RNF125: variants seen among roughly 807,000 people sequenced by gnomAD.
RNF125 encodes ring finger protein 125.
RNF125 carries 21 observed loss-of-function variants against 26.0 expected under a neutral mutation model. The ratio of observed to expected loss-of-function variants is 0.81; its 90% confidence interval spans 0.57 to 1.16. The LOEUF (loss-of-function observed/expected upper bound fraction) is 1.16. Among genes scored for constraint, RNF125 ranks in the 50% most tolerant of loss-of-function variants. The pLI, the probability that RNF125 is intolerant of heterozygous loss-of-function variation, is 0.00. For missense variants in RNF125, 270 were observed against 299.4 expected, an observed-to-expected ratio of 0.90 and a Z score of 0.72; for synonymous variants, 95 against 109.2, an observed-to-expected ratio of 0.87 and a Z score of 0.81.
At chr18:32,075,205 G>A (rs1478581080), downstream of RNF125, among the ~76,000 whole-genome samples, 3 of 152,108 alleles carry the variant, frequency 2.0e-5, no homozygotes, top group Admixed American at 6.5e-5. Flanking sequence ...ATCCATCAGC[G>A]TCTCTTGCCT....
chr18:32,070,699 T>G lies in RNF125; in HGVS notation c.*2315T>G, dbSNP rs1355999608. On this transcript the variant is annotated 3_prime_UTR_variant, in exon 6 of 6. Coordinates refer to ENST00000217740, the MANE Select transcript of RNF125 (RefSeq NM_017831.4). ...GTTTTCATTTGCTTTTCTCATTCTT[T>G]CCCAATTTTTTTTTTTTTTTGAGAT... 6.8e-6 allele frequency: 1 copy of G among 147,854 alleles called. No homozygotes were observed. The highest frequency in any genetic ancestry group is 2.2e-4 in the South Asian group (1 of 4,552). 9.2% of individuals were successfully genotyped at this position (147,854 alleles called of 1,614,324 possible).
intron 1 of RNF125, chr18:32,030,962 G>C (rs980426587): frequency 6.6e-6 from 1 of 152,108 alleles, no homozygotes; most frequent in Non-Finnish European, 1.5e-5. Context: ...TCAGAGAGTT[G>C]GCTTTTATAG....
At chr18:32,065,801 GAT>G in intron 4 of RNF125, 99 bp from the exon 5 acceptor site, 1 of 784,716 alleles carries the variant, frequency 1.3e-6, no homozygotes, top group South Asian at 1.6e-5. Flanking sequence ...AAAGTACTGG[GAT>G]TACAGGCGTA....
At chr18:32,043,774 GAT>G (rs2039241937) in intron 3 of RNF125, among the ~76,000 whole-genome samples, 1 of 152,050 alleles carries the variant, frequency 6.6e-6, no homozygotes, top group Non-Finnish European at 1.5e-5. Context: ...TATTTTACAA[GAT>G]ATATTAATAT....
the RNF125 span, among the ~76,000 whole-genome samples, chr18:32,090,021 G>A: frequency 0.016 from 2,399 of 152,314 alleles, 65 homozygotes; most frequent in African/African-American, 0.05. Flanking sequence ...CAAGGTGGGC[G>A]GATCGCTGGA....
At chr18:32,028,246 C>T (rs555272254) in intron 1 of RNF125, among the ~76,000 whole-genome samples, 77 of 141,952 alleles carry the variant, frequency 5.4e-4, no homozygotes, top group African/African-American at 1.9e-3. Flanking sequence ...TGCAGTGAGC[C>T]GAGATTGCAC....
downstream of RNF125, among the ~76,000 whole-genome samples, chr18:32,077,334 A>ATTTTTTTTTT (rs552701343): frequency 9.3e-6 from 1 of 107,878 alleles, no homozygotes; most frequent in Non-Finnish European, 1.8e-5. Flanking sequence ...CCCTCTCCCC[A>ATTTTTTTTTT]TTTTTTTTTT....
intron 2 of RNF125, among the ~76,000 whole-genome samples, chr18:32,039,679 C>T (rs892752568): frequency 6.6e-6 from 1 of 151,918 alleles, no homozygotes; most frequent in African/African-American, 2.4e-5. Flanking sequence ...CTGTCAGAAA[C>T]AAGAGGATTC....
intron 4 of RNF125, among the ~76,000 whole-genome samples, chr18:32,047,312 C>T (rs1033966560): frequency 6.6e-5 from 10 of 152,316 alleles, no homozygotes; most frequent in African/African-American, 2.4e-4. Flanking sequence ...GCTGGGATTA[C>T]AGGTGTGAGC....
At chr18:32,058,875 G>C (rs1202205412) in intron 4 of RNF125, among the ~76,000 whole-genome samples, 2 of 152,126 alleles carry the variant, frequency 1.3e-5, no homozygotes, top group Non-Finnish European at 2.9e-5. Flanking sequence ...GAGGACATGT[G>C]AAGTTTGTCT....
At chr18:32,047,197 C>T (rs757202919) in intron 4 of RNF125, among the ~76,000 whole-genome samples, 4 of 152,132 alleles carry the variant, frequency 2.6e-5, no homozygotes, top group Admixed American at 2.0e-4. Context: ...CCACCATGCC[C>T]GGCTAATTTT....
Position 32,018,955 on chromosome 18 carries a change from C to T in RNF125, c.92C>T (p.Pro31Leu), listed in dbSNP as rs751589349. The change falls in exon 1 of 6, where the codon CCC becomes CTC. Residue 31 changes from proline (P) to leucine (L), a missense_variant. Transcript: ENST00000217740. ...ALERRRDPEL[P>L]VTSFDCAVCL... ...GAGCGCAGGAGGGACCCGGAGTTGC[C>T]CGTCACGTCCTTCGACTGCGCCGTG... is the stretch of plus-strand genomic sequence containing the variant. 244 of 1,613,672 alleles carry T rather than the reference C, an allele frequency of 1.5e-4. No homozygotes were observed. Among genetic ancestry groups the T allele is most frequent in the Non-Finnish European group, 1.9e-4 (227 of 1,179,888 alleles).
intron 2 of RNF125, among the ~76,000 whole-genome samples, chr18:32,038,445 C>T (rs2039183414): frequency 6.6e-6 from 1 of 152,220 alleles, no homozygotes; most frequent in Non-Finnish European, 1.5e-5. Flanking sequence ...TGACCACCTC[C>T]ATTTTCCCTT....
intron 1 of RNF125, among the ~76,000 whole-genome samples, chr18:32,025,131 C>T (rs4799626): frequency 0.72 from 109,245 of 152,094 alleles, 39,349 homozygotes; most frequent in African/African-American, 0.75. Flanking sequence ...ATATGAACTT[C>T]GAAAAACATT....
chr18:32,090,514 T>G, the RNF125 span, among the ~76,000 whole-genome samples: 1 of 152,196 alleles, frequency 6.6e-6, no homozygotes, highest in African/African-American at 2.4e-5. Context: ...GGACAAATTA[T>G]TATTATTCTA....
Position 32,023,933 on chromosome 18 carries a change from C to T in RNF125, c.164+4906C>T, listed in dbSNP as rs537160024. Among the ~76,000 whole-genome samples, 5 of 152,230 alleles carry T rather than the reference C, an allele frequency of 3.3e-5. No individual in the cohort carries two copies. In the East Asian group the frequency reaches 9.6e-4, roughly 29 times the overall value. On this transcript the variant is annotated intron_variant, in intron 1 of 5. Coordinates refer to ENST00000217740, the MANE Select transcript of RNF125 (RefSeq NM_017831.4). Reference sequence around the variant, plus strand: ...GTTCAAAAGAGAAAACCATATTTTACTTTTGAATCAGTATATCAATAATAA... The same window carrying T: ...GTTCAAAAGAGAAAACCATATTTTATTTTTGAATCAGTATATCAATAATAA...
At chr18:32,064,394 TTC>T (rs1197094368) in intron 4 of RNF125, among the ~76,000 whole-genome samples, 14 of 113,740 alleles carry the variant, frequency 1.2e-4, no homozygotes, top group Admixed American at 9.9e-4. Flanking sequence ...CTTTTTCTTT[TTC>T]TTTTTTTTTT....
chr18:32,040,334 C>T (rs2039204859), intron 2 of RNF125, among the ~76,000 whole-genome samples: 1 of 144,454 alleles, frequency 6.9e-6, no homozygotes, highest in African/African-American at 2.6e-5. Context: ...TGCAGTGGCA[C>T]CATCTCAGCT....
chr18:32,089,485 C>T, the RNF125 span, among the ~76,000 whole-genome samples: 1 of 152,192 alleles, frequency 6.6e-6, no homozygotes, highest in Non-Finnish European at 1.5e-5. Flanking sequence ...GTTTTCCCTT[C>T]TAATGACCAA....
Sources: gnomAD v4.1 joint callset for allele counts (sites outside exome capture counted in the v4.1 genomes callset) on GRCh38, gnomAD v4.1.1 for gene constraint, MANE v1.5 for transcripts, NCBI Gene and HGNC (gene_info 2026-07-23, HGNC 2026-07-21) for gene names.